Variants in NCKAP5 observed in about 807,000 individuals in gnomAD.
NCKAP5 encodes nck-associated protein 5.
A neutral mutation model predicts 167.0 loss-of-function variants in NCKAP5; 92 were observed. The observed-to-expected ratio is 0.55, with a 90% CI of 0.47 to 0.66. The LOEUF (loss-of-function observed/expected upper bound fraction) is 0.66, where lower values mean the gene tolerates loss of function less well. Among genes scored for constraint, NCKAP5 ranks in the 30% least tolerant of loss-of-function variants. NCKAP5 has a pLI of 0.00. For missense variants in NCKAP5, 2,378 were observed against 2,315.0 expected (o/e 1.03, Z -0.56); for synonymous variants, 891 against 877.4 (o/e 1.02, Z -0.27).
At position 132,858,586 on chromosome 2, in the gene NCKAP5, C is replaced by T. The variant is rs549167934; in HGVS notation, c.807+1906G>A. On this transcript the variant is annotated intron_variant, in intron 11 of 19. Coordinates refer to ENST00000409261, the MANE Select transcript of NCKAP5 (RefSeq NM_207363.3). ...CATGTCCTCTGTCTTGGATTATGAG[C>T]TCCAAGATGTTAAGAGGGCAGGTAT... 3.9e-5 allele frequency among the ~76,000 whole-genome samples: 6 copies of T among 152,268 alleles called. No individual in the cohort carries two copies. In the East Asian group the frequency reaches 1.2e-3, roughly 29 times the overall value.
chr2:132,976,956 T>C (rs1001967812), intron 7 of NCKAP5, among the ~76,000 whole-genome samples: 2 of 152,124 alleles, frequency 1.3e-5, no homozygotes, highest in African/African-American at 4.8e-5. Context: ...ATGAACTGAT[T>C]AAAAAGCAAC....
intron 11 of NCKAP5, among the ~76,000 whole-genome samples, chr2:132,849,864 A>C (rs945103903): frequency 4.6e-5 from 7 of 152,190 alleles, no homozygotes; most frequent in Non-Finnish European, 8.8e-5. Flanking sequence ...CACATTTCTC[A>C]TGCCAAGCTC....
intron 5 of NCKAP5, among the ~76,000 whole-genome samples, chr2:133,157,189 A>G (rs890707007): frequency 3.9e-5 from 6 of 152,334 alleles, no homozygotes; most frequent in Middle Eastern, 3.4e-3. Flanking sequence ...GAATGTAAGT[A>G]TATCTTATCT....
the NCKAP5 span, among the ~76,000 whole-genome samples, chr2:133,594,681 T>C: frequency 6.6e-6 from 1 of 152,200 alleles, no homozygotes; most frequent in African/African-American, 2.4e-5. Context: ...TCCTCTTACC[T>C]GCCTTTTCTT....
chr2:132,828,372 T>C (rs1687282057), intron 11 of NCKAP5, among the ~76,000 whole-genome samples: 1 of 152,116 alleles, frequency 6.6e-6, no homozygotes, highest in South Asian at 2.1e-4. Context: ...ATTTTCCCCT[T>C]GCTGTTCTCA....
At chr2:132,777,812 T>G (rs952172260) in intron 15 of NCKAP5, among the ~76,000 whole-genome samples, 7 of 152,176 alleles carry the variant, frequency 4.6e-5, no homozygotes, top group African/African-American at 1.7e-4. Flanking sequence ...GGTACCATTT[T>G]AATGGGATAG....
intron 4 of NCKAP5, among the ~76,000 whole-genome samples, chr2:133,264,189 CT>C (rs1421647514): frequency 6.6e-6 from 1 of 152,202 alleles, no homozygotes. Flanking sequence ...GCTTCAGAAG[CT>C]TCTTATGAAT....
At chr2:132,916,539 T>C (rs1178913556) in intron 8 of NCKAP5, among the ~76,000 whole-genome samples, 1 of 152,094 alleles carries the variant, frequency 6.6e-6, no homozygotes, top group Non-Finnish European at 1.5e-5. Flanking sequence ...GGCGTGTAGA[T>C]GCCAAAAAGA....
At chr2:132,714,862 A>T (rs1365830936) in intron 19 of NCKAP5, 2 of 454,914 alleles carry the variant, frequency 4.4e-6, no homozygotes, top group Admixed American at 4.7e-5. Context: ...GCTGAAACCC[A>T]GGTATGTAAG....
intron 5 of NCKAP5, among the ~76,000 whole-genome samples, chr2:133,211,142 C>T (rs1022268283): frequency 1.3e-5 from 2 of 152,132 alleles, no homozygotes; most frequent in Admixed American, 6.6e-5. Context: ...TCCCCCTCCC[C>T]CAGACATCCC....
At chr2:133,639,353 A>G in the NCKAP5 span, among the ~76,000 whole-genome samples, 2 of 152,216 alleles carry the variant, frequency 1.3e-5, no homozygotes, top group African/African-American at 4.8e-5. Flanking sequence ...GTAGACAAGA[A>G]GACATGACGA....
chr2:133,214,845 A>G (rs2086358892), intron 4 of NCKAP5, among the ~76,000 whole-genome samples: 1 of 152,222 alleles, frequency 6.6e-6, no homozygotes, highest in Non-Finnish European at 1.5e-5. Flanking sequence ...AATCAGCTAT[A>G]TGTAAACATA....
At chr2:133,376,962 G>A (rs866613149) in intron 3 of NCKAP5, among the ~76,000 whole-genome samples, 1 of 152,158 alleles carries the variant, frequency 6.6e-6, no homozygotes, top group Non-Finnish European at 1.5e-5. Flanking sequence ...AAAAGAAATT[G>A]TAAGTAGTGT....
the NCKAP5 span, among the ~76,000 whole-genome samples, chr2:133,574,667 C>A: frequency 7.8e-6 from 1 of 129,018 alleles, no homozygotes; most frequent in African/African-American, 3.0e-5. Flanking sequence ...AATATAAATT[C>A]TTTGCTCTGA....
intron 3 of NCKAP5, among the ~76,000 whole-genome samples, chr2:133,440,879 G>A (rs772534030): frequency 6.6e-6 from 1 of 151,994 alleles, no homozygotes; most frequent in African/African-American, 2.4e-5. Flanking sequence ...AATCCCCTTT[G>A]AGCGCCTGAC....
chr2:133,007,113 C>T (rs1019028857), intron 6 of NCKAP5, among the ~76,000 whole-genome samples: 6 of 152,252 alleles, frequency 3.9e-5, no homozygotes, highest in Non-Finnish European at 5.9e-5. Flanking sequence ...CCCTAAGGGG[C>T]GTAGGTGGAG....
chr2:132,817,206 C>A (rs80219623), intron 11 of NCKAP5, among the ~76,000 whole-genome samples: 5,330 of 152,260 alleles, frequency 0.035, 308 homozygotes, highest in African/African-American at 0.12. Flanking sequence ...TTGAATCTGT[C>A]ACTAGACTCC....
intron 3 of NCKAP5, among the ~76,000 whole-genome samples, chr2:133,397,491 C>T (rs1242886222): frequency 6.6e-6 from 1 of 152,086 alleles, no homozygotes; most frequent in African/African-American, 2.4e-5. Context: ...TCTTTGTTTC[C>T]CAGACTGTTC....
intron 8 of NCKAP5, among the ~76,000 whole-genome samples, chr2:132,936,981 G>C (rs1005018522): frequency 3.9e-5 from 6 of 152,176 alleles, no homozygotes; most frequent in Admixed American, 6.5e-5. Flanking sequence ...TGAGTGAGTA[G>C]GGAAGTGAGA....
Sources: gnomAD v4.1 joint callset for allele counts (sites outside exome capture counted in the v4.1 genomes callset) on GRCh38, gnomAD v4.1.1 for gene constraint, MANE v1.5 for transcripts, NCBI Gene and HGNC (gene_info 2026-07-23, HGNC 2026-07-21) for gene names.